CLMN: variants seen among roughly 807,000 people sequenced by gnomAD.
CLMN encodes the protein calmin.
CLMN carries 57 observed loss-of-function variants against 92.7 expected under a neutral mutation model. The ratio of observed to expected loss-of-function variants is 0.61; its 90% CI spans 0.50 to 0.77. The LOEUF is 0.77. Among genes scored for constraint, CLMN ranks in the 30% least tolerant of loss-of-function variants. The pLI, the probability that CLMN is intolerant of heterozygous loss-of-function variation, is 0.00. For missense variants in CLMN, 1,158 were observed against 1,237.5 expected (o/e 0.94, Z 0.96); for synonymous variants, 466 against 470.6 (o/e 0.99, Z 0.13).
At chr14:95,278,516 G>A (rs1395236141) in intron 1 of CLMN, among the ~76,000 whole-genome samples, 5 of 151,900 alleles carry the variant, frequency 3.3e-5, no homozygotes, top group Non-Finnish European at 5.9e-5. Flanking sequence ...CACCGATCCC[G>A]TTTTGGGAAA....
chr14:95,221,881 G>A, intron 3 of CLMN, 107 bp from the exon 4 acceptor site: 1 of 1,101,210 alleles, frequency 9.1e-7, no homozygotes, highest in Non-Finnish European at 1.3e-6. Context: ...TGAATTTCAA[G>A]AAAAAGTTAG....
At position 95,191,703 on chromosome 14, in the gene CLMN, G is replaced by T. The variant is rs150449481; in HGVS notation, c.2870C>A (p.Ser957Ter). Residue 957 changes from serine to a stop codon, truncating the protein, a stop_gained, in exon 13 of 13, where the codon TCA becomes TAA. Transcript: ENST00000298912. LOFTEE classifies it high-confidence loss of function. This position sits in a 1 kb window ranked among gnomAD's most constrained non-coding sequence, Gnocchi z 5.3. ...ACTCTGCGGGCTGTGGCTCCCCAGT[G>T]ACATGGCTTCTCCTGAGCTGTTGGC... ...RKANSSGEAM[S>*]LGSHSPQSDS... is the part of the protein sequence containing the mutation. 5.0e-6 allele frequency: 8 copies of T among 1,611,990 alleles called. No homozygotes were observed. The highest frequency in any genetic ancestry group is 5.9e-6 in the Non-Finnish European group (7 of 1,179,600).
intron 12 of CLMN, chr14:95,192,834 T>C (rs1896593824): frequency 6.5e-6 from 1 of 153,696 alleles, no homozygotes; most frequent in African/African-American, 2.4e-5. Context: ...AGGTAATAAA[T>C]GCTCAATGTA....
chr14:95,267,535 G>A (rs143726203), intron 1 of CLMN, among the ~76,000 whole-genome samples: 74 of 152,208 alleles, frequency 4.9e-4, no homozygotes, highest in Non-Finnish European at 7.9e-4. Flanking sequence ...AGGAAATAAC[G>A]GATGCTGGTG....
intron 1 of CLMN, among the ~76,000 whole-genome samples, chr14:95,284,039 C>T (rs1186775913): frequency 6.6e-6 from 1 of 152,118 alleles, no homozygotes; most frequent in East Asian, 1.9e-4. Context: ...GTTTTGTGGG[C>T]CAGACCCAGG....
At chr14:95,305,408 C>T (rs1323189243) in intron 1 of CLMN, among the ~76,000 whole-genome samples, 2 of 152,104 alleles carry the variant, frequency 1.3e-5, no homozygotes, top group Non-Finnish European at 2.9e-5. Context: ...ATGATGCAGT[C>T]GTGAACAAGA....
At position 95,213,286 on chromosome 14, in the gene CLMN, T is replaced by C. The variant is rs762011854; in HGVS notation, c.541A>G (p.Ile181Val). 3 of 1,614,008 alleles carry C rather than the reference T, an allele frequency of 1.9e-6. No homozygotes were observed. Among genetic ancestry groups the C allele is most frequent in the South Asian group, 2.2e-5 (2 of 91,030 alleles). ...GCCTTCCTCTGGTCTTTCACCGATA[T>C]TGCCACGCTCCTCTCTGCAGTGGGT... ...PTPTAERSVA[I>V]SVKDQRKAIK... is the part of the protein sequence containing the mutation. The change falls in exon 6 of 13, where the codon ATA becomes GTA. Residue 181 changes from isoleucine (I) to valine (V), a missense_variant. Ile to Val is a conservative substitution (Grantham distance 29). Transcript: ENST00000298912.
intron 1 of CLMN, among the ~76,000 whole-genome samples, chr14:95,298,078 G>A (rs1900886239): frequency 6.6e-6 from 1 of 152,074 alleles, no homozygotes; most frequent in South Asian, 2.1e-4. Flanking sequence ...GCACTGGGAT[G>A]GGCCTGCTCT....
chr14:95,213,710 G>A (rs1009820133), intron 5 of CLMN, among the ~76,000 whole-genome samples: 4 of 151,984 alleles, frequency 2.6e-5, no homozygotes, highest in African/African-American at 9.7e-5. Flanking sequence ...ACCCAACTCT[G>A]CCGCCCCTTT....
intron 2 of CLMN, among the ~76,000 whole-genome samples, chr14:95,229,646 T>C (rs1897820236): frequency 6.6e-6 from 1 of 152,058 alleles, no homozygotes; most frequent in Admixed American, 6.6e-5. Context: ...ATATTATTAC[T>C]ATTATTATTA....
chr14:95,233,160 G>A lies in CLMN; in HGVS notation c.83-3027C>T, dbSNP rs562247605. Among the ~76,000 whole-genome samples, 8 of 152,234 alleles carry A rather than the reference G, an allele frequency of 5.3e-5. No homozygotes were observed. The South Asian group carries it at 1.7e-3, about 32-fold the overall frequency. ...AACACTCAGGCTGGTTTCTCCATAT[G>A]GCTTCAGAGAGAGCAAAGTATATCC... On this transcript the variant is annotated intron_variant, in intron 1 of 12. Transcript: ENST00000298912.
At chr14:95,306,342 T>C (rs1333746694) in intron 1 of CLMN, among the ~76,000 whole-genome samples, 1 of 152,014 alleles carries the variant, frequency 6.6e-6, no homozygotes, top group Non-Finnish European at 1.5e-5. Context: ...TGAAACCCCA[T>C]CTCTCTGAAA....
chr14:95,307,174 C>T (rs1359402643), intron 1 of CLMN, among the ~76,000 whole-genome samples: 1 of 152,232 alleles, frequency 6.6e-6, no homozygotes, highest in Admixed American at 6.5e-5. Flanking sequence ...GTCGGGCTCA[C>T]AGCTACCCAC....
intron 1 of CLMN, among the ~76,000 whole-genome samples, chr14:95,276,658 C>G (rs1476070266): frequency 6.6e-6 from 1 of 152,114 alleles, no homozygotes; most frequent in East Asian, 1.9e-4. Flanking sequence ...GGGCAACTGT[C>G]CACTTCTCCA....
chr14:95,202,773 T>G, intron 9 of CLMN, 65 bp downstream of exon 9: 1 of 1,456,346 alleles, frequency 6.9e-7, no homozygotes, highest in Non-Finnish European at 9.2e-7. Flanking sequence ...AAGCTGAGCT[T>G]CAGACAAAGA....
chr14:95,218,776 C>T (rs767358638), intron 4 of CLMN, among the ~76,000 whole-genome samples: 2 of 152,320 alleles, frequency 1.3e-5, no homozygotes, highest in South Asian at 2.1e-4. Flanking sequence ...ATAGTATGCT[C>T]GCATTTGGAA....
chr14:95,229,212 T>C (rs980556854), intron 2 of CLMN, among the ~76,000 whole-genome samples: 1 of 152,218 alleles, frequency 6.6e-6, no homozygotes, highest in Non-Finnish European at 1.5e-5. Flanking sequence ...TCCAACCTCA[T>C]GCACCAGGAG....
chr14:95,204,010 CA>C lies in CLMN; in HGVS notation c.1338del (p.Phe446LeufsTer12), dbSNP rs748984988. The C allele has an allele frequency of 2.5e-6, 4 of 1,614,196 alleles. No individual in the cohort carries two copies. The highest frequency in any genetic ancestry group is 3.4e-6 in the Non-Finnish European group (4 of 1,180,024). Reference protein sequence around the residue: ...PFCSKNLSLCFEGSPRVAKES... With the variant: ...PFCSKNLSLCXEGSPRVAKES... ...TCCTTTGCCACTCTTGGGCTCCCTTCAAAGCAAAGGGACAGGTTCTTACTGC... is the reference window on the plus strand; with the variant it reads ...TCCTTTGCCACTCTTGGGCTCCCTTCAAGCAAAGGGACAGGTTCTTACTGC... On this transcript the variant is annotated frameshift_variant, in exon 9 of 13. Coordinates refer to ENST00000298912, the MANE Select transcript of CLMN (RefSeq NM_024734.4). LOFTEE classifies it high-confidence loss of function.
chr14:95,281,540 C>T (rs1900144155), intron 1 of CLMN, among the ~76,000 whole-genome samples: 1 of 152,126 alleles, frequency 6.6e-6, no homozygotes, highest in South Asian at 2.1e-4. Context: ...CTGCTTATTC[C>T]TGTGAGCCAA....
Sources: allele counts gnomAD v4.1 joint callset (sites outside exome capture counted in the v4.1 genomes callset), GRCh38; gene constraint gnomAD v4.1.1; non-coding constraint Gnocchi (gnomAD v3.1); transcripts MANE v1.5; gene names NCBI Gene and HGNC (gene_info 2026-07-23, HGNC 2026-07-21).